NRXN3: variants seen among roughly 807,000 people sequenced by gnomAD.
NRXN3 encodes neurexin 3.
NRXN3 carries 32 observed loss-of-function variants against 137.6 expected under a neutral mutation model. The ratio of observed to expected loss-of-function variants is 0.23; its 90% CI spans 0.18 to 0.31. The LOEUF is 0.31. Among genes scored for constraint, NRXN3 ranks in the 10% least tolerant of loss-of-function variants. NRXN3 has a pLI of 1.00. For missense variants in NRXN3, 1,574 were observed against 2,062.5 expected, an observed-to-expected ratio of 0.76 and a Z score of 4.59; for synonymous variants, 798 against 784.5, an observed-to-expected ratio of 1.02 and a Z score of -0.29.
At chr14:79,323,757 G>A (rs2090429898) in intron 15 of NRXN3, among the ~76,000 whole-genome samples, 1 of 152,098 alleles carries the variant, frequency 6.6e-6, no homozygotes. Flanking sequence ...TACTTGGGAG[G>A]CTGAGGCAGG....
chr14:79,549,463 CAA>C (rs2097353100), intron 16 of NRXN3, among the ~76,000 whole-genome samples: 1 of 152,144 alleles, frequency 6.6e-6, no homozygotes, highest in Non-Finnish European at 1.5e-5. Flanking sequence ...AAGTATTCCA[CAA>C]ATACTCCTTC....
chr14:79,371,527 CTG>C (rs1259684130), intron 15 of NRXN3, among the ~76,000 whole-genome samples: 1 of 151,862 alleles, frequency 6.6e-6, no homozygotes, highest in Non-Finnish European at 1.5e-5. Flanking sequence ...TTTTAAAAAA[CTG>C]TTTAAAAAAT....
At chr14:78,451,969 T>C (rs2094562665) in intron 4 of NRXN3, among the ~76,000 whole-genome samples, 1 of 152,206 alleles carries the variant, frequency 6.6e-6, no homozygotes, top group Non-Finnish European at 1.5e-5. Flanking sequence ...TTATCAAATA[T>C]GGACTACATC....
chr14:79,406,550 T>A (rs2095317386), intron 15 of NRXN3, among the ~76,000 whole-genome samples: 1 of 151,912 alleles, frequency 6.6e-6, no homozygotes, highest in Admixed American at 6.6e-5. Flanking sequence ...CAATTCACCC[T>A]CCTCGGCCTC....
intron 16 of NRXN3, chr14:79,570,594 G>A (rs1302618233): frequency 2.6e-5 from 4 of 152,154 alleles, no homozygotes; most frequent in Non-Finnish European, 5.9e-5. Context: ...GTCAGGTCAG[G>A]CCCTGAATCC....
chr14:78,198,829 G>A (rs1029068459), intron 1 of NRXN3, among the ~76,000 whole-genome samples: 6 of 152,200 alleles, frequency 3.9e-5, no homozygotes, highest in African/African-American at 1.4e-4. Context: ...CTTCCAGAGA[G>A]CATTCAGTCA....
At chr14:79,364,035 C>G (rs374044694) in intron 15 of NRXN3, among the ~76,000 whole-genome samples, 28 of 152,220 alleles carry the variant, frequency 1.8e-4, no homozygotes, top group Non-Finnish European at 8.8e-5. Context: ...GTGTATGAAC[C>G]TAGTGATGGA....
At chr14:78,413,572 G>A (rs925123818) in intron 4 of NRXN3, among the ~76,000 whole-genome samples, 13 of 152,190 alleles carry the variant, frequency 8.5e-5, no homozygotes, top group Admixed American at 2.0e-4. Flanking sequence ...ATGAGCCACC[G>A]CACCTGGCCT....
intron 15 of NRXN3, among the ~76,000 whole-genome samples, chr14:79,049,276 G>T (rs1367948774): frequency 6.6e-6 from 1 of 151,906 alleles, no homozygotes; most frequent in Non-Finnish European, 1.5e-5. Flanking sequence ...ATTATTTGTT[G>T]TTATTTCTAG....
At chr14:78,854,565 T>C (rs1287274936) in intron 10 of NRXN3, among the ~76,000 whole-genome samples, 1 of 152,184 alleles carries the variant, frequency 6.6e-6, no homozygotes, top group Non-Finnish European at 1.5e-5. Context: ...TACAGTGTTA[T>C]AGTTATTTGC....
chr14:79,746,941 G>A (rs1431096786), intron 19 of NRXN3, among the ~76,000 whole-genome samples: 1 of 152,092 alleles, frequency 6.6e-6, no homozygotes, highest in Non-Finnish European at 1.5e-5. Context: ...ATTTGCTGAA[G>A]CAAAGTTCTC....
intron 15 of NRXN3, among the ~76,000 whole-genome samples, chr14:79,320,019 C>G (rs2089684818): frequency 6.6e-6 from 1 of 152,028 alleles, no homozygotes; most frequent in African/African-American, 2.4e-5. Flanking sequence ...ATATATTCCT[C>G]TAGTCTTGGA....
intron 16 of NRXN3, among the ~76,000 whole-genome samples, chr14:79,544,025 A>T (rs2153737854): frequency 6.6e-6 from 1 of 152,342 alleles, no homozygotes; most frequent in South Asian, 2.1e-4. Flanking sequence ...GTGAATGCAA[A>T]TGTTGAAACA....
intron 1 of NRXN3, among the ~76,000 whole-genome samples, chr14:78,196,725 A>G (rs1182160373): frequency 6.6e-6 from 1 of 152,228 alleles, no homozygotes; most frequent in Non-Finnish European, 1.5e-5. Context: ...ATATAAATAC[A>G]AATAGGGATG....
intron 15 of NRXN3, among the ~76,000 whole-genome samples, chr14:79,123,875 G>C (rs1313527289): frequency 6.6e-6 from 1 of 152,146 alleles, no homozygotes; most frequent in Non-Finnish European, 1.5e-5. Flanking sequence ...TTGCCTCATT[G>C]GAAGATTGTT....
intron 19 of NRXN3, among the ~76,000 whole-genome samples, chr14:79,726,160 C>G (rs1276772689): frequency 6.6e-6 from 1 of 152,114 alleles, no homozygotes; most frequent in Non-Finnish European, 1.5e-5. Flanking sequence ...CTGTTATTCT[C>G]TAATATATTT....
intron 5 of NRXN3, among the ~76,000 whole-genome samples, chr14:78,650,488 T>C (rs1174943419): frequency 6.6e-6 from 1 of 152,076 alleles, no homozygotes; most frequent in East Asian, 1.9e-4. Context: ...GTTGCCTTTT[T>C]GGTTTGGGTC....
At chr14:79,389,046 C>G (rs534076913) in intron 15 of NRXN3, among the ~76,000 whole-genome samples, 23 of 152,276 alleles carry the variant, frequency 1.5e-4, no homozygotes, top group Non-Finnish European at 3.1e-4. Flanking sequence ...ACCTCTTTTT[C>G]TTTATAAATT....
At chr14:78,835,273 G>A (rs542787146) in intron 10 of NRXN3, among the ~76,000 whole-genome samples, 7 of 152,292 alleles carry the variant, frequency 4.6e-5, no homozygotes, top group African/African-American at 1.2e-4. Context: ...CAGCCACCCC[G>A]TATGGGATTT....
Sources: gnomAD v4.1 joint callset for allele counts (sites outside exome capture counted in the v4.1 genomes callset) on GRCh38, gnomAD v4.1.1 for gene constraint, MANE v1.5 for transcripts, NCBI Gene and HGNC (gene_info 2026-07-23, HGNC 2026-07-21) for gene names.